The following COL23A1 variants were observed in gnomAD, a reference collection of about 807,000 sequenced individuals.
COL23A1 encodes collagen type XXIII alpha 1 chain.
A neutral mutation model predicts 99.3 loss-of-function variants in COL23A1; 97 were observed. The observed-to-expected ratio is 0.98, with a 90% CI of 0.83 to 1.16. The LOEUF (loss-of-function observed/expected upper bound fraction) is 1.16. Ranked by LOEUF, COL23A1 falls within the 50% of genes most tolerant of loss-of-function variation. The pLI is 0.00. For synonymous variants in COL23A1, 320 were observed against 308.2 expected, an observed-to-expected ratio of 1.04 and a Z score of -0.40; for missense variants, 762 against 757.4, an observed-to-expected ratio of 1.01 and a Z score of -0.07.
Position 178,242,832 on chromosome 5 carries a change from G to A in COL23A1, c.1441-438C>T, listed in dbSNP as rs139047515. Reference sequence around the variant, plus strand: ...CATCTGTCCATTCATCTATCTGTCCGTCCACCCAACCAAGGTGGCTTAACA... The same window carrying A: ...CATCTGTCCATTCATCTATCTGTCCATCCACCCAACCAAGGTGGCTTAACA... On this transcript the variant is annotated intron_variant, in intron 25 of 28. Coordinates refer to ENST00000390654, the MANE Select transcript of COL23A1 (RefSeq NM_173465.4). 2.8e-4 allele frequency among the ~76,000 whole-genome samples: 43 copies of A among 152,254 alleles called. No homozygotes were observed. The East Asian group carries it at 7.7e-3, about 27-fold the overall frequency.
chr5:178,480,866 G>A (rs1052209626), intron 2 of COL23A1, among the ~76,000 whole-genome samples: 11 of 152,056 alleles, frequency 7.2e-5, no homozygotes, highest in Admixed American at 5.9e-4. Context: ...TGTGGGCTGG[G>A]CTGGCACGGT....
chr5:178,431,445 T>G (rs1299457782), intron 2 of COL23A1, among the ~76,000 whole-genome samples: 3 of 152,312 alleles, frequency 2.0e-5, no homozygotes, highest in Non-Finnish European at 2.9e-5. Context: ...TGGTTCCTTC[T>G]GTGGGAACAG....
chr5:178,552,838 T>C (rs1398894688), intron 2 of COL23A1, among the ~76,000 whole-genome samples: 1 of 151,822 alleles, frequency 6.6e-6, no homozygotes, highest in East Asian at 2.0e-4. Flanking sequence ...CTCAGTCTCC[T>C]GAGTAGCTGG....
intron 2 of COL23A1, among the ~76,000 whole-genome samples, chr5:178,501,712 C>G (rs945957672): frequency 1.3e-5 from 2 of 152,244 alleles, no homozygotes; most frequent in African/African-American, 2.4e-5. Context: ...TACGCCAACA[C>G]CCCTGCTGGG....
chr5:178,369,995 C>G (rs1762714250), intron 2 of COL23A1, among the ~76,000 whole-genome samples: 1 of 152,136 alleles, frequency 6.6e-6, no homozygotes, highest in African/African-American at 2.4e-5. Flanking sequence ...AATGTGGAAC[C>G]CAGCTGGAGG....
At chr5:178,254,856 G>T in intron 16 of COL23A1, 93 bp downstream of exon 16, 2 of 1,133,444 alleles carry the variant, frequency 1.8e-6, no homozygotes, top group Non-Finnish European at 2.6e-6. Flanking sequence ...GGTCCCTTGT[G>T]TAAAAAAGTG....
chr5:178,372,521 C>T (rs1186480684), intron 2 of COL23A1, among the ~76,000 whole-genome samples: 2 of 152,158 alleles, frequency 1.3e-5, no homozygotes, highest in South Asian at 2.1e-4. Context: ...GCGGGGGCTG[C>T]GGTCCCTGCA....
At chr5:178,249,716 A>ACTCTCTCTCTCTCTCTCTCT (rs59946818) in intron 18 of COL23A1, among the ~76,000 whole-genome samples, 3 of 92,808 alleles carry the variant, frequency 3.2e-5, no homozygotes, top group Non-Finnish European at 4.4e-5. Flanking sequence ...ACACACACAC[A>ACTCTCTCTCTCTCTCTCTCT]CTCTCTCTCT....
intron 2 of COL23A1, among the ~76,000 whole-genome samples, chr5:178,353,966 C>T (rs1022435110): frequency 1.6e-4 from 24 of 151,298 alleles, no homozygotes; most frequent in African/African-American, 5.8e-4. Flanking sequence ...CAAAAAAACC[C>T]CAACAAAAAA....
intron 2 of COL23A1, among the ~76,000 whole-genome samples, chr5:178,540,387 CACA>C (rs1044020041): frequency 2.6e-4 from 39 of 152,034 alleles, no homozygotes; most frequent in African/African-American, 6.8e-4. Context: ...TTAATATTCA[CACA>C]ACATTTAAAT....
At chr5:178,509,241 A>G (rs60039829) in intron 2 of COL23A1, among the ~76,000 whole-genome samples, 8,972 of 144,908 alleles carry the variant, frequency 0.062, 308 homozygotes, top group Middle Eastern at 0.12. Flanking sequence ...GTTTTTCTCG[A>G]GACAGAGTCT....
At chr5:178,480,254 T>TCCAAA (rs1453429968) in intron 2 of COL23A1, among the ~76,000 whole-genome samples, 2 of 152,092 alleles carry the variant, frequency 1.3e-5, no homozygotes, top group South Asian at 2.1e-4. Context: ...AAGATTATTC[T>TCCAAA]CCAAACCAAA....
intron 1 of COL23A1, among the ~76,000 whole-genome samples, chr5:178,571,603 T>TA (rs1344066371): frequency 6.6e-6 from 1 of 151,140 alleles, no homozygotes; most frequent in Non-Finnish European, 1.5e-5. Flanking sequence ...GGCAGAAGAA[T>TA]AAGAAGTTAC....
At chr5:178,418,134 A>C (rs992817120) in intron 2 of COL23A1, among the ~76,000 whole-genome samples, 5 of 152,192 alleles carry the variant, frequency 3.3e-5, no homozygotes, top group African/African-American at 4.8e-5. Context: ...GATCTTGGAT[A>C]AGTTACCTAA....
intron 2 of COL23A1, among the ~76,000 whole-genome samples, chr5:178,472,893 G>A (rs1184594355): frequency 6.6e-6 from 1 of 152,178 alleles, no homozygotes; most frequent in Non-Finnish European, 1.5e-5. Flanking sequence ...GGGAGGCTGA[G>A]GCAGAAGGGT....
intron 2 of COL23A1, among the ~76,000 whole-genome samples, chr5:178,435,835 A>G (rs1179665575): frequency 6.6e-6 from 1 of 152,202 alleles, no homozygotes; most frequent in Non-Finnish European, 1.5e-5. Flanking sequence ...GGACTGAGTC[A>G]GATGACGCGC....
intron 5 of COL23A1, among the ~76,000 whole-genome samples, chr5:178,276,998 G>C (rs1259456589): frequency 2.0e-5 from 3 of 152,184 alleles, no homozygotes; most frequent in African/African-American, 7.2e-5. Flanking sequence ...CCTCTGTGCT[G>C]CTCATCTGTA....
chr5:178,264,433 C>T (rs1425957184), intron 8 of COL23A1, among the ~76,000 whole-genome samples: 3 of 151,992 alleles, frequency 2.0e-5, no homozygotes, highest in Non-Finnish European at 2.9e-5. Context: ...TGGGGTCAGA[C>T]CTCAGGCAGC....
At chr5:178,522,600 T>C (rs1760009239) in intron 2 of COL23A1, among the ~76,000 whole-genome samples, 1 of 152,120 alleles carries the variant, frequency 6.6e-6, no homozygotes, top group Non-Finnish European at 1.5e-5. Context: ...AGGGGGTCAC[T>C]GGAGAAAGAA....
Sources: allele counts gnomAD v4.1 joint callset (sites outside exome capture counted in the v4.1 genomes callset), GRCh38; gene constraint gnomAD v4.1.1; transcripts MANE v1.5; gene names NCBI Gene and HGNC (gene_info 2026-07-23, HGNC 2026-07-21).